Variants in SUSD1 observed in about 807,000 individuals in gnomAD.
The protein encoded by SUSD1 is sushi domain-containing protein 1.
SUSD1 carries 65 observed loss-of-function variants against 86.9 expected under a neutral mutation model. That is an observed-to-expected ratio of 0.75 (90% CI 0.61 to 0.92). SUSD1 has a LOEUF of 0.92. Ranked by LOEUF, SUSD1 falls within the 40% of genes least tolerant of loss-of-function variation. SUSD1 has a pLI of 0.00. For missense variants in SUSD1, 850 were observed against 929.7 expected (o/e 0.91, Z 1.11); for synonymous variants, 346 against 350.0 (o/e 0.99, Z 0.13).
intron 10 of SUSD1, among the ~76,000 whole-genome samples, chr9:112,080,782 T>C (rs1303196052): frequency 2.6e-5 from 4 of 152,200 alleles, no homozygotes; most frequent in South Asian, 2.1e-4. Context: ...ATTACAACTA[T>C]TTGTCCTGGA....
intron 14 of SUSD1, among the ~76,000 whole-genome samples, chr9:112,055,254 TG>T (rs1828397609): frequency 6.6e-6 from 1 of 152,088 alleles, no homozygotes; most frequent in Non-Finnish European, 1.5e-5. Context: ...GGCAAAATCC[TG>T]TCTCTATGAA....
At chr9:112,124,782 A>C (rs886522413) in intron 5 of SUSD1, among the ~76,000 whole-genome samples, 1 of 152,216 alleles carries the variant, frequency 6.6e-6, no homozygotes, top group African/African-American at 2.4e-5. Flanking sequence ...CAATTGTAGC[A>C]ATTATTGCCA....
At chr9:112,098,775 C>A in intron 9 of SUSD1, 113 bp from the exon 10 acceptor site, 1 of 980,122 alleles carries the variant, frequency 1.0e-6, no homozygotes, top group Non-Finnish European at 1.5e-6. Flanking sequence ...TTATCCTTGC[C>A]CACTTAGAAT....
At chr9:112,105,562 TA>T (rs1391797539) in intron 8 of SUSD1, among the ~76,000 whole-genome samples, 1 of 151,842 alleles carries the variant, frequency 6.6e-6, no homozygotes, top group Non-Finnish European at 1.5e-5. Context: ...CTACTAAAAA[TA>T]CAAAAATTAG....
At chr9:112,044,958 T>G (rs1827892693) in intron 15 of SUSD1, among the ~76,000 whole-genome samples, 1 of 152,110 alleles carries the variant, frequency 6.6e-6, no homozygotes, top group African/African-American at 2.4e-5. Flanking sequence ...AATAGCGAAA[T>G]GAGAAAATTC....
At chr9:112,084,116 T>C (rs1349817678) in intron 10 of SUSD1, among the ~76,000 whole-genome samples, 2 of 152,076 alleles carry the variant, frequency 1.3e-5, no homozygotes, top group South Asian at 2.1e-4. Flanking sequence ...ATAACAATTG[T>C]AGGATTTCAT....
intron 14 of SUSD1, among the ~76,000 whole-genome samples, chr9:112,055,814 T>C (rs992030686): frequency 6.6e-5 from 10 of 152,216 alleles, no homozygotes; most frequent in African/African-American, 2.4e-4. Context: ...TAATGGAATA[T>C]TATTCAGTCT....
At chr9:112,064,138 C>T (rs2131505428) in intron 12 of SUSD1, among the ~76,000 whole-genome samples, 1 of 152,168 alleles carries the variant, frequency 6.6e-6, no homozygotes, top group East Asian at 1.9e-4. Context: ...ACCTGAGTCA[C>T]CTGCCTGAAG....
intron 5 of SUSD1, among the ~76,000 whole-genome samples, chr9:112,134,622 G>C (rs1023110824): frequency 6.6e-6 from 1 of 152,070 alleles, no homozygotes; most frequent in African/African-American, 2.4e-5. Context: ...AGGGAGGAAG[G>C]GGGTTGAAAC....
At chr9:112,157,824 C>CTTTT (rs72322597) in intron 1 of SUSD1, among the ~76,000 whole-genome samples, 1 of 136,888 alleles carries the variant, frequency 7.3e-6, no homozygotes, top group African/African-American at 2.8e-5. Context: ...TTCTTTCTTT[C>CTTTT]TTTTTTTTTT....
At chr9:112,064,046 T>TTTTTTTTTTTTTTTTTTG (rs1491139474) in intron 12 of SUSD1, among the ~76,000 whole-genome samples, 1 of 78,656 alleles carries the variant, frequency 1.3e-5, no homozygotes, top group Non-Finnish European at 3.0e-5. Flanking sequence ...TTTCTTTTTT[T>TTTTTTTTTTTTTTTTTTG]GGGGGGGGGG....
At chr9:112,174,986 A>G (rs1834210350) in intron 1 of SUSD1, 147 bp downstream of exon 1, 2 of 499,470 alleles carry the variant, frequency 4.0e-6, no homozygotes, top group Non-Finnish European at 5.2e-6. Context: ...CCGATCTCCA[A>G]CGGCCGGCGC....
intron 9 of SUSD1, among the ~76,000 whole-genome samples, chr9:112,099,391 T>C (rs962801075): frequency 6.6e-5 from 10 of 151,798 alleles, no homozygotes; most frequent in Non-Finnish European, 1.5e-4. Context: ...ACAAGCCTCA[T>C]AGAACAGAGT....
At chr9:112,088,715 C>T (rs1830082953) in intron 10 of SUSD1, among the ~76,000 whole-genome samples, 1 of 152,096 alleles carries the variant, frequency 6.6e-6, no homozygotes, top group Non-Finnish European at 1.5e-5. Flanking sequence ...TCACTTGAGC[C>T]CAGGAGTTCA....
At chr9:112,106,409 T>C (rs1226456617) in intron 8 of SUSD1, among the ~76,000 whole-genome samples, 1 of 152,130 alleles carries the variant, frequency 6.6e-6, no homozygotes, top group African/African-American at 2.4e-5. Flanking sequence ...TCAATTGAGC[T>C]CTCATTCACA....
chr9:112,164,360 C>G (rs926284401), intron 1 of SUSD1, among the ~76,000 whole-genome samples: 5 of 152,216 alleles, frequency 3.3e-5, no homozygotes, highest in Non-Finnish European at 7.4e-5. Context: ...CACCACTTAA[C>G]CTTTCTGGAT....
At chr9:112,052,256 T>C (rs1564246388) in intron 15 of SUSD1, 143 bp downstream of exon 15, 20 of 1,550,006 alleles carry the variant, frequency 1.3e-5, no homozygotes, top group Non-Finnish European at 1.6e-5. Context: ...CCATTTTTTT[T>C]CAGCTATGAA....
chr9:112,081,879 C>T (rs1424579138), intron 10 of SUSD1, among the ~76,000 whole-genome samples: 2 of 152,092 alleles, frequency 1.3e-5, no homozygotes, highest in African/African-American at 4.8e-5. Flanking sequence ...CATGTGGTTA[C>T]TTTTATAAAT....
intron 6 of SUSD1, among the ~76,000 whole-genome samples, chr9:112,124,031 G>T (rs1380253719): frequency 6.6e-6 from 1 of 152,022 alleles, no homozygotes; most frequent in Non-Finnish European, 1.5e-5. Flanking sequence ...TTTAAGGTGG[G>T]TCTCAAAAGA....
Sources: allele counts gnomAD v4.1 joint callset (sites outside exome capture counted in the v4.1 genomes callset), GRCh38; gene constraint gnomAD v4.1.1; transcripts MANE v1.5; gene names NCBI Gene and HGNC (gene_info 2026-07-23, HGNC 2026-07-21).